CDH12: variants seen among roughly 807,000 people sequenced by gnomAD.
The protein encoded by CDH12 is cadherin 12.
In CDH12, 41 loss-of-function variants were observed where a neutral mutation model predicts 74.1. The ratio of observed to expected loss-of-function variants is 0.55; its 90% CI spans 0.43 to 0.72. The LOEUF (loss-of-function observed/expected upper bound fraction) is 0.72, where lower values mean the gene tolerates loss of function less well. CDH12 is among the 30% of genes least tolerant of loss of function. CDH12 has a pLI of 0.00. For missense variants in CDH12, 945 were observed against 977.2 expected, an observed-to-expected ratio of 0.97 and a Z score of 0.44; for synonymous variants, 399 against 355.0, an observed-to-expected ratio of 1.12 and a Z score of -1.39.
At chr5:22,742,740 C>T (rs1280815686) in intron 1 of CDH12, among the ~76,000 whole-genome samples, 1 of 149,410 alleles carries the variant, frequency 6.7e-6, no homozygotes, top group African/African-American at 2.4e-5. Context: ...TATTATTTTA[C>T]TATGTTATAT....
At chr5:21,915,446 A>T (rs1036106767) in intron 6 of CDH12, among the ~76,000 whole-genome samples, 12 of 152,184 alleles carry the variant, frequency 7.9e-5, no homozygotes, top group Non-Finnish European at 5.9e-5. Flanking sequence ...TGACCTAACT[A>T]TGGGGCAAGT....
At chr5:22,831,131 A>T (rs1227209322) in intron 1 of CDH12, among the ~76,000 whole-genome samples, 1 of 152,098 alleles carries the variant, frequency 6.6e-6, no homozygotes, top group Admixed American at 6.6e-5. Flanking sequence ...AAGTTGAGAG[A>T]CAAATCAATA....
At chr5:22,265,877 C>T (rs1208478258) in intron 3 of CDH12, among the ~76,000 whole-genome samples, 1 of 151,934 alleles carries the variant, frequency 6.6e-6, no homozygotes, top group Admixed American at 6.6e-5. Flanking sequence ...ATGATTGGTA[C>T]ACTTAAAGAT....
At chr5:22,013,962 C>T (rs1003752824) in intron 5 of CDH12, among the ~76,000 whole-genome samples, 4 of 152,248 alleles carry the variant, frequency 2.6e-5, no homozygotes. Context: ...TGCAGTGGCT[C>T]ACACCTGTAG....
At chr5:22,021,235 T>C (rs1737952825) in intron 5 of CDH12, among the ~76,000 whole-genome samples, 1 of 152,224 alleles carries the variant, frequency 6.6e-6, no homozygotes, top group Non-Finnish European at 1.5e-5. Context: ...TAAGTACTTA[T>C]GTTTGGAATT....
At chr5:22,822,525 G>C (rs974242926) in intron 1 of CDH12, among the ~76,000 whole-genome samples, 5 of 151,808 alleles carry the variant, frequency 3.3e-5, no homozygotes, top group Admixed American at 6.6e-5. Context: ...TGAATTCAAA[G>C]AAATTTACAA....
intron 1 of CDH12, among the ~76,000 whole-genome samples, chr5:22,736,306 T>C (rs560678301): frequency 6.6e-6 from 1 of 151,938 alleles, no homozygotes; most frequent in South Asian, 2.1e-4. Flanking sequence ...TTTGTGTATA[T>C]AGATGAATGT....
chr5:22,141,822 C>A (rs1270264044), intron 4 of CDH12, among the ~76,000 whole-genome samples: 1 of 152,132 alleles, frequency 6.6e-6, no homozygotes, highest in East Asian at 1.9e-4. Context: ...ACTCATAATG[C>A]ATTGCTAGGT....
chr5:22,668,253 C>T (rs181984885), intron 1 of CDH12, among the ~76,000 whole-genome samples: 97 of 152,140 alleles, frequency 6.4e-4, no homozygotes, highest in Non-Finnish European at 1.1e-3. Flanking sequence ...AAACAATGTC[C>T]ACTATTTGGG....
At chr5:21,912,928 C>T (rs1753926382) in intron 6 of CDH12, among the ~76,000 whole-genome samples, 2 of 152,096 alleles carry the variant, frequency 1.3e-5, no homozygotes, top group South Asian at 2.1e-4. Flanking sequence ...TTGCAGCCTC[C>T]ACCTCCTGGG....
intron 6 of CDH12, among the ~76,000 whole-genome samples, chr5:21,912,147 G>A (rs1162243730): frequency 6.6e-6 from 1 of 152,088 alleles, no homozygotes; most frequent in Non-Finnish European, 1.5e-5. Flanking sequence ...AGAAAATTAA[G>A]AAACAAACTA....
chr5:22,708,683 T>C (rs1743145955), intron 1 of CDH12, among the ~76,000 whole-genome samples: 1 of 152,146 alleles, frequency 6.6e-6, no homozygotes, highest in Non-Finnish European at 1.5e-5. Context: ...TTTGATAATG[T>C]AATCTCTCAA....
chr5:22,770,864 C>T (rs1272788732), intron 1 of CDH12, among the ~76,000 whole-genome samples: 1 of 151,922 alleles, frequency 6.6e-6, no homozygotes, highest in Non-Finnish European at 1.5e-5. Context: ...TCCTATAATC[C>T]TAAAGCACAA....
chr5:22,244,739 GAAAAGAAAGAAAGAAA>G (rs1561251008), intron 3 of CDH12, among the ~76,000 whole-genome samples: 1 of 71,626 alleles, frequency 1.4e-5, no homozygotes, highest in Non-Finnish European at 2.6e-5. Flanking sequence ...AAGAAAGAAA[GAAAAGAAAGAAAGAAA>G]GAAAGAAAGA....
At chr5:22,082,654 G>A (rs1742819618) in intron 4 of CDH12, among the ~76,000 whole-genome samples, 1 of 152,182 alleles carries the variant, frequency 6.6e-6, no homozygotes, top group South Asian at 2.1e-4. Flanking sequence ...GCAGGATAAG[G>A]GGTGACTACT....
At chr5:21,803,848 T>G (rs1380556223) in intron 9 of CDH12, among the ~76,000 whole-genome samples, 1 of 152,160 alleles carries the variant, frequency 6.6e-6, no homozygotes, top group Non-Finnish European at 1.5e-5. Context: ...ATTTTTCTCC[T>G]TCTAAGATAT....
intron 2 of CDH12, among the ~76,000 whole-genome samples, chr5:22,499,600 G>T (rs1426692019): frequency 2.6e-5 from 4 of 152,118 alleles, no homozygotes; most frequent in Non-Finnish European, 5.9e-5. Flanking sequence ...TCCAGAGGAA[G>T]AAAAAGTGGT....
chr5:22,141,422 A>C (rs1405767278), intron 4 of CDH12: 1 of 152,222 alleles, frequency 6.6e-6, no homozygotes, highest in Non-Finnish European at 1.5e-5. Flanking sequence ...AGAAGTAAAC[A>C]CAACTTCATT....
At chr5:21,927,940 C>T (rs192002184) in intron 6 of CDH12, among the ~76,000 whole-genome samples, 161 of 152,038 alleles carry the variant, frequency 1.1e-3, no homozygotes, top group African/African-American at 3.6e-3. Context: ...GGCTTGGTAG[C>T]TGGCGCCTGC....
Sources: gnomAD v4.1 joint callset for allele counts (sites outside exome capture counted in the v4.1 genomes callset) on GRCh38, gnomAD v4.1.1 for gene constraint, MANE v1.5 for transcripts, NCBI Gene and HGNC (gene_info 2026-07-23, HGNC 2026-07-21) for gene names.